The following GPR149 variants were observed in gnomAD, a reference collection of about 807,000 sequenced individuals.
GPR149 encodes the protein probable G protein-coupled receptor 149.
GPR149 carries 50 observed loss-of-function variants against 50.2 expected under a neutral mutation model. That is an observed-to-expected ratio of 1.00 (90% CI 0.79 to 1.26). The LOEUF (loss-of-function observed/expected upper bound fraction) is 1.26. GPR149 is among the 50% of genes most tolerant of loss of function. GPR149 has a pLI of 0.00. For synonymous variants in GPR149, 405 were observed against 358.2 expected, an observed-to-expected ratio of 1.13 and a Z score of -1.48; for missense variants, 983 against 895.4, an observed-to-expected ratio of 1.10 and a Z score of -1.25.
At position 154,353,568 on chromosome 3, in the gene GPR149, A is replaced by C. The variant is rs1714139204; in HGVS notation, c.1624-15297T>G. On this transcript the variant is annotated intron_variant, in intron 3 of 3. Transcript: ENST00000389740. ...AACCAAGATGTCAATACCATTTTGC[A>C]TATGATTAATTTGGCTTTGATATGG... 2.9e-6 allele frequency: 3 copies of C among 1,029,588 alleles called. No homozygotes were observed. The Admixed American group carries it at 5.3e-5, about 18-fold the overall frequency. 63.8% of individuals were successfully genotyped at this position (1,029,588 alleles called of 1,614,324 possible). A position where few individuals can be genotyped will look rare whatever the true frequency, so the allele number is the denominator to read the frequency against.
chr3:154,383,081 G>C (rs1415420868), intron 3 of GPR149, among the ~76,000 whole-genome samples: 4 of 152,176 alleles, frequency 2.6e-5, no homozygotes, highest in Non-Finnish European at 5.9e-5. Flanking sequence ...CAGCCTGCAG[G>C]AAAAGGGGTG....
chr3:154,424,102 C>A (rs1049125252), intron 2 of GPR149, among the ~76,000 whole-genome samples: 1 of 151,808 alleles, frequency 6.6e-6, no homozygotes, highest in African/African-American at 2.4e-5. Flanking sequence ...ATTTTTCAGA[C>A]AAACCACGTT....
In GPR149 at chr3:154,429,342, GC is replaced by G. The variant is rs1166427590; in HGVS notation, c.273del (p.Leu91PhefsTer20). 1.2e-6 allele frequency: 2 copies of G among 1,614,072 alleles called. No homozygotes were observed. The highest frequency in any genetic ancestry group is 1.7e-5 in the Admixed American group (1 of 60,002). Reference sequence around the variant, plus strand: ...TAACCGGGGACCTCGTTTGGCCACTGCAAAAACATGAAGATGGTCACCGACA... The same window carrying G: ...TAACCGGGGACCTCGTTTGGCCACTGAAAAACATGAAGATGGTCACCGACA... ...SVLSVTIFMF[L>X]QWPNEVPGYF... On this transcript the variant is annotated frameshift_variant, in exon 1 of 4. Transcript: ENST00000389740. LOFTEE classifies it high-confidence loss of function.
In GPR149 at chr3:154,427,533, G is replaced by A. The variant is rs774471432; in HGVS notation, c.1157C>T (p.Ala386Val). The A allele has an allele frequency of 6.2e-7, 1 of 1,609,482 alleles. No homozygotes were observed. The highest frequency in any genetic ancestry group is 8.5e-7 in the Non-Finnish European group (1 of 1,178,568). The change falls in exon 2 of 4, where the codon GCG becomes GTG. Residue 386 changes from alanine (A) to valine (V), a missense_variant. Coordinates refer to ENST00000389740, the MANE Select transcript of GPR149 (RefSeq NM_001038705.3). The part of the protein sequence containing the change: ...INCRQNAYAV[A>V]SDGKKIKRKG... ...GGACTTACTTTTTTTCCCATCGGAC[G>A]CCACTGCATATGCGTTCTGCCTGCA...
chr3:154,404,795 AT>A (rs1353283588), intron 3 of GPR149, among the ~76,000 whole-genome samples: 1 of 152,172 alleles, frequency 6.6e-6, no homozygotes, highest in Non-Finnish European at 1.5e-5. Context: ...TAAGTGAGCA[AT>A]TTTTTGTAAA....
intron 3 of GPR149, among the ~76,000 whole-genome samples, chr3:154,361,080 C>A (rs1333336533): frequency 3.9e-5 from 6 of 152,062 alleles, no homozygotes; most frequent in Non-Finnish European, 7.4e-5. Context: ...ATTTAGAAGA[C>A]AAAGTCTCCA....
intron 3 of GPR149, among the ~76,000 whole-genome samples, chr3:154,392,244 A>C (rs1029877230): frequency 6.6e-6 from 1 of 151,922 alleles, no homozygotes; most frequent in Non-Finnish European, 1.5e-5. Flanking sequence ...AAAACTAGAA[A>C]TCAGTAGCTG....
At chr3:154,348,847 T>C (rs1160360493) in intron 3 of GPR149, among the ~76,000 whole-genome samples, 3 of 152,122 alleles carry the variant, frequency 2.0e-5, no homozygotes, top group Non-Finnish European at 4.4e-5. Flanking sequence ...CAAGTGCCCA[T>C]GAACCATATA....
chr3:154,397,279 G>A (rs979584913), intron 3 of GPR149, among the ~76,000 whole-genome samples: 21 of 152,254 alleles, frequency 1.4e-4, no homozygotes, highest in African/African-American at 5.1e-4. Flanking sequence ...GTCTAAGAGA[G>A]GGCAGAGAGG....
At chr3:154,419,036 A>G (rs566573096) in intron 3 of GPR149, among the ~76,000 whole-genome samples, 1 of 152,116 alleles carries the variant, frequency 6.6e-6, no homozygotes, top group Non-Finnish European at 1.5e-5. Flanking sequence ...TAGTCCCTGG[A>G]AATAAAAAGT....
intron 3 of GPR149, among the ~76,000 whole-genome samples, chr3:154,342,300 C>T (rs1713816367): frequency 6.6e-6 from 1 of 152,064 alleles, no homozygotes; most frequent in South Asian, 2.1e-4. Context: ...TCTTCTCAAC[C>T]AGTAAGATAA....
At chr3:154,383,980 A>G (rs1477418978) in intron 3 of GPR149, among the ~76,000 whole-genome samples, 2 of 152,112 alleles carry the variant, frequency 1.3e-5, no homozygotes, top group African/African-American at 4.8e-5. Context: ...CAGCCTCCAG[A>G]ACTGTGAGAA....
chr3:154,360,849 T>A (rs1054459131), intron 3 of GPR149, among the ~76,000 whole-genome samples: 2 of 152,146 alleles, frequency 1.3e-5, no homozygotes, highest in Non-Finnish European at 2.9e-5. Flanking sequence ...TTACAAATAA[T>A]GAGCATAAGC....
intron 2 of GPR149, among the ~76,000 whole-genome samples, chr3:154,422,293 A>G (rs1443856398): frequency 6.6e-6 from 1 of 151,684 alleles, no homozygotes; most frequent in Non-Finnish European, 1.5e-5. Context: ...TAGAATAAAA[A>G]GCAAGAAAGT....
In GPR149 at chr3:154,427,575, C is replaced by T. The variant is rs767225646; in HGVS notation, c.1115G>A (p.Cys372Tyr). ...CTGCCTGCAGTTGATGATGCAGCCA[C>T]AGGGCAAGTGGGTCCAGCGTTTGGA... is the stretch of plus-strand genomic sequence containing the variant. ...VLSKRWTHLP[C>Y]GCIINCRQNA... Residue 372 changes from cysteine to tyrosine, a missense_variant, in exon 2 of 4, where the codon TGT (cysteine) becomes TAT (tyrosine). By Grantham distance (194) the Cys-to-Tyr change is radical. Coordinates refer to ENST00000389740, the MANE Select transcript of GPR149 (RefSeq NM_001038705.3). The T allele has an allele frequency of 1.2e-6, 2 of 1,614,082 alleles. No individual in the cohort carries two copies. Among genetic ancestry groups the T allele is most frequent in the Admixed American group, 3.3e-5 (2 of 60,012 alleles).
intron 3 of GPR149, among the ~76,000 whole-genome samples, chr3:154,399,321 G>C (rs922897523): frequency 1.3e-5 from 2 of 152,128 alleles, no homozygotes; most frequent in South Asian, 2.1e-4. Context: ...TCATACTTTT[G>C]TAAAAAATAC....
At chr3:154,407,420 G>A (rs1711723411) in intron 3 of GPR149, among the ~76,000 whole-genome samples, 1 of 152,014 alleles carries the variant, frequency 6.6e-6, no homozygotes, top group East Asian at 1.9e-4. Context: ...AGGGGTGTGG[G>A]TTAGCAATTC....
chr3:154,403,325 T>C (rs952355384), intron 3 of GPR149, among the ~76,000 whole-genome samples: 2 of 152,108 alleles, frequency 1.3e-5, no homozygotes, highest in African/African-American at 4.8e-5. Context: ...TAAGACATAA[T>C]TGGGTCCAAA....
At chr3:154,413,202 T>C (rs1358342755) in intron 3 of GPR149, among the ~76,000 whole-genome samples, 1 of 151,864 alleles carries the variant, frequency 6.6e-6, no homozygotes, top group Non-Finnish European at 1.5e-5. Context: ...AAATATTCTA[T>C]AGGATAAAAT....
Sources: gnomAD v4.1 joint callset for allele counts (sites outside exome capture counted in the v4.1 genomes callset) on GRCh38, gnomAD v4.1.1 for gene constraint, MANE v1.5 for transcripts, NCBI Gene and HGNC (gene_info 2026-07-23, HGNC 2026-07-21) for gene names.